Variants in MACROH2A1 observed in about 807,000 individuals in gnomAD.
MACROH2A1 encodes the protein core histone macro-H2A.1.
In MACROH2A1, 2 loss-of-function variants were observed where a neutral mutation model predicts 31.6. The ratio of observed to expected loss-of-function variants is 0.06; its 90% CI spans 0.03 to 0.20. The LOEUF (loss-of-function observed/expected upper bound fraction) is 0.20, where lower values mean the gene tolerates loss of function less well. Ranked by LOEUF, MACROH2A1 falls within the 10% of genes least tolerant of loss-of-function variation. MACROH2A1 has a pLI of 1.00. For missense variants in MACROH2A1, 230 were observed against 474.0 expected, an observed-to-expected ratio of 0.49 and a Z score of 4.78; for synonymous variants, 169 against 189.6, an observed-to-expected ratio of 0.89 and a Z score of 0.89.
chr5:135,377,349 T>C (rs924288957), intron 2 of MACROH2A1, among the ~76,000 whole-genome samples: 1 of 152,250 alleles, frequency 6.6e-6, no homozygotes, highest in African/African-American at 2.4e-5. Context: ...TTTGTTTTGA[T>C]AGGGAAAACC....
At chr5:135,365,352 G>A (rs1230377410) in intron 4 of MACROH2A1, among the ~76,000 whole-genome samples, 1 of 152,052 alleles carries the variant, frequency 6.6e-6, no homozygotes, top group African/African-American at 2.4e-5. Flanking sequence ...GGAGCTCTCT[G>A]CCCCCAGTCA....
intron 1 of MACROH2A1, among the ~76,000 whole-genome samples, chr5:135,393,802 G>C (rs933045623): frequency 2.0e-5 from 3 of 152,128 alleles, no homozygotes; most frequent in Non-Finnish European, 4.4e-5. Flanking sequence ...GATCTTGAAG[G>C]GATCTCTGTG....
intron 8 of MACROH2A1, among the ~76,000 whole-genome samples, chr5:135,336,332 G>A (rs902807324): frequency 2.0e-5 from 3 of 152,232 alleles, no homozygotes; most frequent in Non-Finnish European, 2.9e-5. Context: ...AAACCCTCTT[G>A]TGACTTGCTT....
Position 135,345,962 on chromosome 5 carries a change from C to CGGGG in MACROH2A1, c.778+5_778+6insCCCC. On this transcript the variant is annotated splice_donor_region_variant and intron_variant, in intron 7 of 8. Coordinates refer to ENST00000511689, the MANE Select transcript of MACROH2A1 (RefSeq NM_138610.3). Reference sequence around the variant, plus strand: ...CCAGATAAGCACGGTGGCTTTCCCACCTCACCTCCAGCTACTTCCAAGGGC... The same window carrying CGGGG: ...CCAGATAAGCACGGTGGCTTTCCCACGGGGCTCACCTCCAGCTACTTCCAAGGGC... The CGGGG allele has an allele frequency of 6.2e-5, 90 of 1,460,114 alleles. No individual in the cohort carries two copies. The highest frequency in any genetic ancestry group is 7.8e-5 in the Non-Finnish European group (81 of 1,039,210). The allele number at this position is 1,460,114 out of a possible 1,614,324, so 90.4% of individuals were successfully genotyped here.
chr5:135,380,182 A>G (rs978302191), intron 2 of MACROH2A1, among the ~76,000 whole-genome samples: 24 of 151,838 alleles, frequency 1.6e-4, no homozygotes, highest in African/African-American at 5.6e-4. Flanking sequence ...AAAACTATTT[A>G]CCATGTAGCT....
chr5:135,395,211 A>G (rs946716903), intron 1 of MACROH2A1, among the ~76,000 whole-genome samples: 2 of 152,168 alleles, frequency 1.3e-5, no homozygotes, highest in African/African-American at 2.4e-5. Flanking sequence ...CCTTCCTCAC[A>G]TCTATAAGAG....
intron 2 of MACROH2A1, among the ~76,000 whole-genome samples, chr5:135,386,917 G>C (rs1170579123): frequency 6.6e-6 from 1 of 152,194 alleles, no homozygotes; most frequent in Non-Finnish European, 1.5e-5. Context: ...TGGCATTCGC[G>C]AGCCAGGGGC....
intron 2 of MACROH2A1, among the ~76,000 whole-genome samples, chr5:135,381,938 A>G (rs967966184): frequency 1.3e-5 from 2 of 152,260 alleles, no homozygotes; most frequent in African/African-American, 4.8e-5. Context: ...AAAACTTTAT[A>G]GATGTGACAG....
At chr5:135,378,567 G>A (rs1417051990) in intron 2 of MACROH2A1, among the ~76,000 whole-genome samples, 2 of 152,214 alleles carry the variant, frequency 1.3e-5, no homozygotes, top group African/African-American at 4.8e-5. Flanking sequence ...TCTTCCTGAG[G>A]TGTACGGTGG....
intron 8 of MACROH2A1, chr5:135,337,817 TCCACCGGAATGTC>T (rs1759042280): frequency 2.9e-6 from 1 of 349,320 alleles, no homozygotes; most frequent in African/African-American, 2.2e-5. Flanking sequence ...AGCAGACGGT[TCCACCGGAATGTC>T]CCTGGCCTTG....
chr5:135,345,290 A>G (rs1760649539), intron 7 of MACROH2A1: 1 of 152,144 alleles, frequency 6.6e-6, no homozygotes. Flanking sequence ...AAGACACAAT[A>G]GGCATTGGAA....
chr5:135,393,179 C>T (rs536781158), intron 1 of MACROH2A1, among the ~76,000 whole-genome samples: 40 of 152,232 alleles, frequency 2.6e-4, no homozygotes, highest in African/African-American at 9.6e-4. Flanking sequence ...CATCTTGTTA[C>T]TCTCACATCT....
intron 2 of MACROH2A1, among the ~76,000 whole-genome samples, chr5:135,378,739 A>AC (rs1352716048): frequency 2.6e-5 from 4 of 152,236 alleles, no homozygotes; most frequent in Admixed American, 2.6e-4. Flanking sequence ...TCGATGAATT[A>AC]CCAAATGTAA....
intron 6 of MACROH2A1, among the ~76,000 whole-genome samples, chr5:135,349,010 G>A (rs1355505891): frequency 6.6e-6 from 1 of 152,216 alleles, no homozygotes; most frequent in African/African-American, 2.4e-5. Context: ...GCTCTTCTGG[G>A]TGGCACAGCT....
intron 5 of MACROH2A1, chr5:135,354,823 C>A: frequency 3.0e-6 from 1 of 338,372 alleles, no homozygotes; most frequent in Non-Finnish European, 5.8e-6. Flanking sequence ...ATGCTATTTA[C>A]AAAAACTCAA....
intron 8 of MACROH2A1, among the ~76,000 whole-genome samples, chr5:135,340,647 TAA>T (rs913846157): frequency 6.6e-6 from 1 of 152,200 alleles, no homozygotes; most frequent in Admixed American, 6.5e-5. Flanking sequence ...GGGCCTCAGC[TAA>T]GAGAGTGATC....
intron 7 of MACROH2A1, 102 bp from the exon 8 acceptor site, chr5:135,343,536 G>C: frequency 6.5e-7 from 1 of 1,540,644 alleles, no homozygotes. Context: ...TATCTTCCTG[G>C]GCCCTCCAAT....
chr5:135,371,468 T>C (rs2149852952), intron 2 of MACROH2A1, among the ~76,000 whole-genome samples: 1 of 152,370 alleles, frequency 6.6e-6, no homozygotes, highest in South Asian at 2.1e-4. Flanking sequence ...GCTATGAGCA[T>C]AACCCATAGT....
chr5:135,370,487 G>A (rs1160330305), intron 2 of MACROH2A1, among the ~76,000 whole-genome samples: 1 of 152,338 alleles, frequency 6.6e-6, no homozygotes, highest in Non-Finnish European at 1.5e-5. Context: ...CACTGCAGAT[G>A]TCACCAGGGC....
Sources: allele counts gnomAD v4.1 joint callset (sites outside exome capture counted in the v4.1 genomes callset), GRCh38; gene constraint gnomAD v4.1.1; transcripts MANE v1.5; gene names NCBI Gene and HGNC (gene_info 2026-07-23, HGNC 2026-07-21).